The following NFATC3 variants were observed in gnomAD, a reference collection of about 807,000 sequenced individuals.
NFATC3 encodes nuclear factor of activated T-cells, cytoplasmic 3.
In NFATC3, 46 loss-of-function variants were observed where a neutral mutation model predicts 98.6. The ratio of observed to expected loss-of-function variants is 0.47; its 90% CI spans 0.37 to 0.60. The LOEUF is 0.60. Among genes scored for constraint, NFATC3 ranks in the 20% least tolerant of loss-of-function variants. The pLI is 0.00. For synonymous variants in NFATC3, 512 were observed against 472.2 expected, an observed-to-expected ratio of 1.08 and a Z score of -1.09; for missense variants, 1,256 against 1,295.5, an observed-to-expected ratio of 0.97 and a Z score of 0.47.
chr16:68,226,297 T>C, intron 9 of NFATC3, 53 bp from the exon 10 acceptor site: 1 of 1,535,436 alleles, frequency 6.5e-7, no homozygotes, highest in Non-Finnish European at 8.7e-7. Context: ...TTGGGCATCA[T>C]ATGGCTAATC....
At chr16:68,137,654 C>G (rs946831558) in intron 3 of NFATC3, among the ~76,000 whole-genome samples, 1 of 151,034 alleles carries the variant, frequency 6.6e-6, no homozygotes, top group African/African-American at 2.4e-5. Context: ...TGCTCAGTCA[C>G]CCAGGCCGGA....
At chr16:68,192,261 G>GTGTA (rs1555522070) in intron 9 of NFATC3, 2 of 101,404 alleles carry the variant, frequency 2.0e-5, no homozygotes, top group Non-Finnish European at 3.8e-5. Context: ...ATATGTATGT[G>GTGTA]TATATATATA....
At chr16:68,177,253 G>GTTGGCCA (rs1346118893) in intron 6 of NFATC3, among the ~76,000 whole-genome samples, 1 of 151,922 alleles carries the variant, frequency 6.6e-6, no homozygotes, top group Non-Finnish European at 1.5e-5. Context: ...GTTTCACCAT[G>GTTGGCCA]TTGGCCAGGC....
intron 9 of NFATC3, among the ~76,000 whole-genome samples, chr16:68,223,360 A>C (rs2041934728): frequency 6.6e-6 from 1 of 152,076 alleles, no homozygotes; most frequent in Non-Finnish European, 1.5e-5. Flanking sequence ...CTATCTCTAC[A>C]AAAAAAATTT....
At chr16:68,226,161 T>C in intron 9 of NFATC3, 189 bp from the exon 10 acceptor site, 1 of 554,292 alleles carries the variant, frequency 1.8e-6, no homozygotes, top group Non-Finnish European at 2.9e-6. Flanking sequence ...GAAAAAGAGG[T>C]CCAGAGTAGT....
intron 8 of NFATC3, among the ~76,000 whole-genome samples, chr16:68,186,381 T>C (rs2040201590): frequency 6.6e-6 from 1 of 151,748 alleles, no homozygotes; most frequent in Non-Finnish European, 1.5e-5. Context: ...CTACTAAAAA[T>C]ACAAAAAAAT....
chr16:68,221,042 T>C (rs969962538), intron 9 of NFATC3, among the ~76,000 whole-genome samples: 2 of 152,234 alleles, frequency 1.3e-5, no homozygotes, highest in African/African-American at 4.8e-5. Context: ...CCATGGCACC[T>C]GGCCTGGATT....
intron 4 of NFATC3, among the ~76,000 whole-genome samples, chr16:68,158,524 A>T (rs1386454506): frequency 6.6e-6 from 1 of 152,248 alleles, no homozygotes. Context: ...GATTATATAT[A>T]GTTGCCTGTA....
chr16:68,164,778 G>A (rs1195843532), intron 4 of NFATC3, among the ~76,000 whole-genome samples: 2 of 152,104 alleles, frequency 1.3e-5, no homozygotes, highest in Non-Finnish European at 2.9e-5. Context: ...TACTTGGGAG[G>A]CTGAGGCAGG....
intron 1 of NFATC3, among the ~76,000 whole-genome samples, chr16:68,088,540 T>A (rs932793294): frequency 2.7e-5 from 4 of 147,286 alleles, no homozygotes; most frequent in Non-Finnish European, 6.0e-5. Flanking sequence ...TTATATATAT[T>A]TTTTCTTTTT....
At chr16:68,192,042 A>C in intron 9 of NFATC3, 1 of 311,650 alleles carries the variant, frequency 3.2e-6, no homozygotes, top group Non-Finnish European at 6.0e-6. Flanking sequence ...CGCTGTCTCT[A>C]CTAAAAATAC....
At chr16:68,178,752 C>A (rs147490545) in intron 6 of NFATC3, among the ~76,000 whole-genome samples, 104 of 152,290 alleles carry the variant, frequency 6.8e-4, no homozygotes, top group African/African-American at 2.2e-3. Flanking sequence ...TGTAAAAATT[C>A]ATCTGTGCAT....
chr16:68,101,253 C>A (rs1212779164), intron 1 of NFATC3, among the ~76,000 whole-genome samples: 1 of 151,204 alleles, frequency 6.6e-6, no homozygotes, highest in Middle Eastern at 3.2e-3. Context: ...AGCTATTCCT[C>A]CTGCCTGAGC....
intron 3 of NFATC3, among the ~76,000 whole-genome samples, chr16:68,153,389 T>C (rs1175086663): frequency 6.6e-6 from 1 of 152,078 alleles, no homozygotes; most frequent in Admixed American, 6.6e-5. Flanking sequence ...GCCATTGCAC[T>C]CCAGCCTGGG....
intron 1 of NFATC3, among the ~76,000 whole-genome samples, chr16:68,102,354 A>G (rs1054884542): frequency 1.6e-5 from 2 of 125,214 alleles, no homozygotes; most frequent in African/African-American, 3.0e-5. Context: ...CCCTGGTGAC[A>G]GTGTGAGACT....
intron 8 of NFATC3, among the ~76,000 whole-genome samples, chr16:68,187,010 C>T (rs1013282769): frequency 4.6e-5 from 7 of 152,232 alleles, no homozygotes; most frequent in East Asian, 3.8e-4. Context: ...AAGCTGCATT[C>T]GGCTCGTGCA....
At chr16:68,101,709 C>A (rs1567497479) in intron 1 of NFATC3, among the ~76,000 whole-genome samples, 1 of 151,654 alleles carries the variant, frequency 6.6e-6, no homozygotes, top group Non-Finnish European at 1.5e-5. Flanking sequence ...GGTCTTGATC[C>A]CCTGACCTCA....
chr16:68,146,742 A>G (rs2038056345), intron 3 of NFATC3, among the ~76,000 whole-genome samples: 1 of 152,220 alleles, frequency 6.6e-6, no homozygotes, highest in South Asian at 2.1e-4. Flanking sequence ...TTAACCCTCC[A>G]GCTTTAGTTA....
intron 1 of NFATC3, among the ~76,000 whole-genome samples, chr16:68,115,172 G>A (rs549692495): frequency 6.8e-5 from 10 of 147,642 alleles, no homozygotes; most frequent in African/African-American, 2.3e-4. Context: ...CAAGTGATTC[G>A]CCTTGCCTCA....
Sources: allele counts gnomAD v4.1 joint callset (sites outside exome capture counted in the v4.1 genomes callset), GRCh38; gene constraint gnomAD v4.1.1; transcripts MANE v1.5; gene names NCBI Gene and HGNC (gene_info 2026-07-23, HGNC 2026-07-21).